INPP5B: variants seen among roughly 807,000 people sequenced by gnomAD.
INPP5B encodes inositol polyphosphate-5-phosphatase B, also known as type II inositol 1,4,5-trisphosphate 5-phosphatase.
Under a neutral mutation model 118.5 loss-of-function variants are expected in INPP5B, and 90 were observed. The observed-to-expected ratio is 0.76, with a 90% CI of 0.64 to 0.90. INPP5B has a LOEUF of 0.90. INPP5B is among the 40% of genes least tolerant of loss of function. The pLI is 0.00. For missense variants in INPP5B, 984 were observed against 1,125.6 expected, an observed-to-expected ratio of 0.87 and a Z score of 1.80; for synonymous variants, 385 against 418.9, an observed-to-expected ratio of 0.92 and a Z score of 0.99.
intron 16 of INPP5B, among the ~76,000 whole-genome samples, chr1:37,876,733 G>A (rs1413087237): frequency 2.7e-5 from 4 of 146,206 alleles, no homozygotes; most frequent in Non-Finnish European, 6.0e-5. Flanking sequence ...ACCATTAGCC[G>A]GGTGTGGTGG....
At chr1:37,902,366 A>C (rs1376467587) in intron 7 of INPP5B, among the ~76,000 whole-genome samples, 1 of 151,984 alleles carries the variant, frequency 6.6e-6, no homozygotes, top group Non-Finnish European at 1.5e-5. Flanking sequence ...TGTTTCTGGA[A>C]AGCCCACTTA....
chr1:37,866,515 C>G lies in INPP5B; in HGVS notation c.2330G>C (p.Arg777Thr). 6.2e-7 allele frequency: 1 copy of G among 1,610,240 alleles called. No homozygotes were observed. Among genetic ancestry groups the G allele is most frequent in the Non-Finnish European group, 8.5e-7 (1 of 1,176,700 alleles). ...GTCCCTGATATGTTCAAATTCTGAC[C>G]TCAGGCCTGGTTGCTGAAACAGATC... ...QEDLFQQPGL[R>T]SEFEHIRDCL... is the part of the protein sequence containing the mutation. The change falls in exon 21 of 24, where the codon AGG becomes ACG. Residue 777 changes from arginine to threonine, a missense_variant. Physicochemically the swap from Arg to Thr is moderately conservative, Grantham distance 71. This residue lies in a region of INPP5B where 634 missense variants were observed against 791.0 expected (regional missense o/e 0.80). Coordinates refer to ENST00000373024, the MANE Select transcript of INPP5B (RefSeq NM_005540.3).
intron 13 of INPP5B, chr1:37,883,853 C>G: frequency 1.0e-6 from 1 of 985,364 alleles, no homozygotes; most frequent in Non-Finnish European, 1.2e-6. Flanking sequence ...ATCACGGCCC[C>G]AGTGGCTTCT....
At chr1:37,872,642 G>A (rs1031045843) in intron 19 of INPP5B, among the ~76,000 whole-genome samples, 3 of 150,736 alleles carry the variant, frequency 2.0e-5, no homozygotes, top group Admixed American at 6.6e-5. Context: ...GGAGCCCTCC[G>A]GCCATCACAG....
At chr1:37,867,255 G>A (rs764235647) in intron 20 of INPP5B, among the ~76,000 whole-genome samples, 1 of 152,068 alleles carries the variant, frequency 6.6e-6, no homozygotes, top group Non-Finnish European at 1.5e-5. Flanking sequence ...TGGCAGCAAA[G>A]CTATTTCTAT....
chr1:37,946,821 TC>T (rs897960110), intron 1 of INPP5B, among the ~76,000 whole-genome samples, 168 bp downstream of exon 1: 11 of 152,018 alleles, frequency 7.2e-5, no homozygotes, highest in Non-Finnish European at 1.5e-4. Flanking sequence ...ACAGGAAGTG[TC>T]CCATTGCTGC....
intron 7 of INPP5B, among the ~76,000 whole-genome samples, chr1:37,909,987 C>T (rs1001890695): frequency 9.9e-5 from 15 of 152,174 alleles, no homozygotes; most frequent in African/African-American, 2.9e-4. Context: ...CCTCCTAAGC[C>T]GTGTCCCATC....
At position 37,907,882 on chromosome 1, in the gene INPP5B, C is replaced by A. The variant is rs9728947; in HGVS notation, c.533-16428G>T. On this transcript the variant is annotated intron_variant, in intron 7 of 23. Coordinates refer to ENST00000373024, the MANE Select transcript of INPP5B (RefSeq NM_005540.3). The surrounding 1 kb of genome is among the most constrained non-coding windows in gnomAD (Gnocchi z 4.3). ...GACCTGCATGTATACATCCAGATGG[C>A]CTGAAGCAACTGAAGATCCACAAAA... Among the ~76,000 whole-genome samples the A allele has an allele frequency of 0.12, 18,291 of 152,126 alleles. 1,308 individuals are homozygous for A. Among genetic ancestry groups the A allele is most frequent in the Non-Finnish European group, 0.16 (10,673 of 67,976 alleles).
chr1:37,902,781 C>G (rs1644378260), intron 7 of INPP5B, among the ~76,000 whole-genome samples: 1 of 152,090 alleles, frequency 6.6e-6, no homozygotes, highest in Non-Finnish European at 1.5e-5. Flanking sequence ...TGGTCTCAAA[C>G]TCCCGACCTC....
intron 7 of INPP5B, among the ~76,000 whole-genome samples, chr1:37,894,252 A>G (rs963441019): frequency 6.6e-6 from 1 of 152,222 alleles, no homozygotes; most frequent in Admixed American, 6.5e-5. Flanking sequence ...GCTATAGGCC[A>G]TATCTTAGAG....
At chr1:37,943,712 C>T (rs367587878) in intron 4 of INPP5B, 43 bp from the exon 5 acceptor site, 2 of 1,613,424 alleles carry the variant, frequency 1.2e-6, no homozygotes, top group South Asian at 1.1e-5. Flanking sequence ...ATTGAGCTTA[C>T]TCCCCCTTGC....
intron 6 of INPP5B, among the ~76,000 whole-genome samples, chr1:37,934,641 G>A (rs1209043309): frequency 6.6e-6 from 1 of 152,114 alleles, no homozygotes; most frequent in Non-Finnish European, 1.5e-5. Flanking sequence ...TCTAACCCAG[G>A]TCCCTCCCTG....
intron 6 of INPP5B, among the ~76,000 whole-genome samples, chr1:37,934,973 G>A (rs2148672667): frequency 6.6e-6 from 1 of 151,666 alleles, no homozygotes; most frequent in Non-Finnish European, 1.5e-5. Flanking sequence ...GCCGAGGCGG[G>A]CGGATCACGA....
chr1:37,875,683 T>G lies in INPP5B; in HGVS notation c.1711A>C (p.Thr571Pro). ...RVVNDELYRK[T>P]LEEIVRSLDK... ...AGGGAGCGAACAATTTCCTCCAGTG[T>G]CTTCCGGTAAAGCTCGTCATTTACG... Residue 571 changes from threonine to proline, a missense_variant, in exon 17 of 24, where the codon ACA (threonine) becomes CCA (proline). This residue lies in a region of INPP5B where 634 missense variants were observed against 791.0 expected (regional missense o/e 0.80). Transcript: ENST00000373024. 1 of 1,614,172 alleles carries G rather than the reference T, an allele frequency of 6.2e-7. No homozygotes were observed. Among genetic ancestry groups the G allele is most frequent in the Non-Finnish European group, 8.5e-7 (1 of 1,179,986 alleles).
intron 20 of INPP5B, among the ~76,000 whole-genome samples, chr1:37,868,056 G>A (rs1329110936): frequency 6.6e-6 from 1 of 152,154 alleles, no homozygotes; most frequent in Non-Finnish European, 1.5e-5. Flanking sequence ...AGGGCCTCTG[G>A]CAGAGCGCGG....
intron 7 of INPP5B, among the ~76,000 whole-genome samples, chr1:37,897,706 C>T (rs926817431): frequency 3.3e-5 from 5 of 150,726 alleles, no homozygotes; most frequent in African/African-American, 9.8e-5. Flanking sequence ...TCCCCCTCTG[C>T]GAGAAACACC....
intron 7 of INPP5B, among the ~76,000 whole-genome samples, chr1:37,896,018 G>C (rs979723968): frequency 6.6e-6 from 1 of 150,670 alleles, no homozygotes; most frequent in African/African-American, 2.4e-5. Context: ...TGCCCAGTCT[G>C]GAAAGTGAGG....
chr1:37,905,050 G>C (rs1186398757), intron 7 of INPP5B, among the ~76,000 whole-genome samples: 3 of 151,596 alleles, frequency 2.0e-5, no homozygotes, highest in Non-Finnish European at 4.4e-5. Flanking sequence ...AAATCATAAA[G>C]GAAGCATTGT....
chr1:37,931,349 GC>G (rs1199633332), intron 7 of INPP5B: 54 of 1,148,060 alleles, frequency 4.7e-5, no homozygotes, highest in Non-Finnish European at 6.3e-5. Context: ...GGATTGAAGA[GC>G]AAGCTCAGAT....
Sources: gnomAD v4.1 joint callset for allele counts (sites outside exome capture counted in the v4.1 genomes callset) on GRCh38, gnomAD v4.1.1 for gene constraint, gnomAD v4.1.1 regional missense constraint, Gnocchi (gnomAD v3.1) non-coding constraint, MANE v1.5 for transcripts, NCBI Gene and HGNC (gene_info 2026-07-23, HGNC 2026-07-21) for gene names.